CASP5: variants seen among roughly 807,000 people sequenced by gnomAD.
CASP5 encodes the protein caspase-5.
In CASP5, 42 loss-of-function variants were observed where a neutral mutation model predicts 45.2. The ratio of observed to expected loss-of-function variants is 0.93; its 90% CI spans 0.73 to 1.20. The LOEUF is 1.20. Ranked by LOEUF, CASP5 falls within the 50% of genes most tolerant of loss-of-function variation. The pLI, the probability that CASP5 is intolerant of heterozygous loss-of-function variation, is 0.00. For missense variants in CASP5, 512 were observed against 532.2 expected (o/e 0.96, Z 0.37); for synonymous variants, 209 against 186.2 (o/e 1.12, Z -1.00).
chr11:105,006,259 T>C (rs959575602), intron 3 of CASP5, among the ~76,000 whole-genome samples: 2 of 152,220 alleles, frequency 1.3e-5, no homozygotes, highest in African/African-American at 4.8e-5. Context: ...TGAGTAAGCA[T>C]TGGAAAATTC....
intron 3 of CASP5, among the ~76,000 whole-genome samples, chr11:105,004,182 C>G (rs1861891338): frequency 6.6e-6 from 1 of 152,118 alleles, no homozygotes; most frequent in Non-Finnish European, 1.5e-5. Flanking sequence ...AGTGACAACA[C>G]AGTACACAAT....
chr11:105,002,252 C>A (rs769228574), intron 4 of CASP5, 51 bp from the exon 5 acceptor site: 3 of 1,573,764 alleles, frequency 1.9e-6, no homozygotes, highest in Non-Finnish European at 2.6e-6. Context: ...CTCTTTTCAA[C>A]CCCCATATGC....
At chr11:105,018,221 A>G (rs533027883) in intron 1 of CASP5, among the ~76,000 whole-genome samples, 7 of 151,884 alleles carry the variant, frequency 4.6e-5, no homozygotes, top group African/African-American at 1.4e-4. Context: ...TGTAAAGACC[A>G]TCGAGACTAG....
chr11:104,999,664 A>G (rs75484327), intron 6 of CASP5, among the ~76,000 whole-genome samples: 3,878 of 152,312 alleles, frequency 0.025, 139 homozygotes, highest in African/African-American at 0.083. Flanking sequence ...GTAAATTAAT[A>G]GTGAATTTAT....
In CASP5 at chr11:105,007,105, G is replaced by C. The variant is rs1181069673; in HGVS notation, c.411C>G (p.Asp137Glu). Reference sequence around the variant, plus strand: ...TACGTTTTACACTGGTGATCTTTTGGTCCATATTGAGAAGTGTTTGGGTAA... The same window carrying C: ...TACGTTTTACACTGGTGATCTTTTGCTCCATATTGAGAAGTGTTTGGGTAA... ...QMFTQTLLNM[D>E]QKITSVKPLL... The change falls in exon 3 of 10, where the codon GAC (aspartate) becomes GAG (glutamate). Residue 137 changes from aspartate (D) to glutamate (E), a missense_variant. By Grantham distance (45) the Asp-to-Glu change is conservative. Coordinates refer to ENST00000260315, the MANE Select transcript of CASP5 (RefSeq NM_004347.5). The C allele has an allele frequency of 1.2e-6, 2 of 1,612,690 alleles. No individual in the cohort carries two copies. The highest frequency in any genetic ancestry group is 1.7e-6 in the Non-Finnish European group (2 of 1,179,468).
chr11:105,017,662 G>C (rs534062005), intron 1 of CASP5, among the ~76,000 whole-genome samples: 92 of 152,184 alleles, frequency 6.0e-4, no homozygotes, highest in Non-Finnish European at 1.0e-3. Context: ...TATGTGAAAA[G>C]ACCAAATCTA....
rs534831905 is a variant in CASP5, at chr11:105,019,646, A to T, written c.7+3484T>A. 4.1e-4 allele frequency among the ~76,000 whole-genome samples: 60 copies of T among 146,254 alleles called. 2 individuals carry two copies. Among genetic ancestry groups the T allele is most frequent in the African/African-American group, 1.4e-3 (55 of 40,624 alleles). Reference sequence around the variant, plus strand: ...CTGAATGGACCAATAACAGGATCTGAAATTGTGGCAATAATCAAAAGCTTA... The same window carrying T: ...CTGAATGGACCAATAACAGGATCTGTAATTGTGGCAATAATCAAAAGCTTA... On this transcript the variant is annotated intron_variant, in intron 1 of 9. Transcript: ENST00000260315.
Position 104,995,734 on chromosome 11 carries a change from A to T in CASP5, c.*4+6T>A, listed in dbSNP as rs540819. The T allele has an allele frequency of 0.41, 650,622 of 1,575,352 alleles. 141,110 individuals carry two copies. Among genetic ancestry groups the T allele is most frequent in the East Asian group, 0.6 (26,732 of 44,614 alleles). On this transcript the variant is annotated splice_donor_region_variant and intron_variant, in intron 9 of 9. Transcript: ENST00000260315. ...ATTTCACCCTCCAACAACTCTCAAT[A>T]CTTACATTTTCAATTGCCAGGAAAG...
chr11:104,999,091 A>G, intron 6 of CASP5, 63 bp from the exon 7 acceptor site: 1 of 1,437,796 alleles, frequency 7.0e-7, no homozygotes, highest in Non-Finnish European at 9.5e-7. Flanking sequence ...AGAAATGCAG[A>G]ACGTGTAGGT....
In CASP5 at chr11:105,019,789, C is replaced by A. The variant is rs573566514; in HGVS notation, c.7+3341G>T. On this transcript the variant is annotated intron_variant, in intron 1 of 9. Transcript: ENST00000260315. ...CCAATCAATAGAAAAAGAGGGAATC[C>A]TCCCTAACTCATTTTATGAGGCCAG... Among the ~76,000 whole-genome samples the A allele has an allele frequency of 1.4e-3, 204 of 144,932 alleles. 8 individuals carry two copies. Among genetic ancestry groups the A allele is most frequent in the African/African-American group, 4.9e-3 (198 of 40,020 alleles).
chr11:105,005,419 A>G lies in CASP5; in HGVS notation c.433+1664T>C, dbSNP rs923824368. Among the ~76,000 whole-genome samples, 3 of 151,580 alleles carry G rather than the reference A, an allele frequency of 2.0e-5. No homozygotes were observed. The East Asian group carries it at 5.8e-4, about 29-fold the overall frequency. On this transcript the variant is annotated intron_variant, in intron 3 of 9. Coordinates refer to ENST00000260315, the MANE Select transcript of CASP5 (RefSeq NM_004347.5). ...GTGTAAACAGTTAAATAACAAATGA[A>G]TAGCTAGGATTCTTCTTATCCTGCA...
At chr11:105,021,743 T>A (rs1285590069) in intron 1 of CASP5, among the ~76,000 whole-genome samples, 3 of 148,538 alleles carry the variant, frequency 2.0e-5, no homozygotes, top group Non-Finnish European at 4.5e-5. Flanking sequence ...ATTGTGGAAG[T>A]CAGTGTGGCG....
chr11:105,011,497 G>A (rs1019346710), intron 1 of CASP5, among the ~76,000 whole-genome samples: 8 of 151,830 alleles, frequency 5.3e-5, no homozygotes, highest in African/African-American at 1.9e-4. Context: ...AGGAGAGGAA[G>A]AAGTTAATGT....
chr11:105,016,855 G>A (rs1418244867), intron 1 of CASP5, among the ~76,000 whole-genome samples: 1 of 151,752 alleles, frequency 6.6e-6, no homozygotes, highest in African/African-American at 2.4e-5. Context: ...TGGGGGCAGG[G>A]CACAGACAAA....
intron 1 of CASP5, among the ~76,000 whole-genome samples, chr11:105,010,152 A>C (rs1384086284): frequency 1.4e-4 from 21 of 150,854 alleles, no homozygotes; most frequent in Admixed American, 1.4e-3. Context: ...TTGGCCTAGA[A>C]GCACCAGACT....
chr11:105,016,766 C>CA (rs1193399065), intron 1 of CASP5, among the ~76,000 whole-genome samples: 1 of 152,092 alleles, frequency 6.6e-6, no homozygotes, highest in African/African-American at 2.4e-5. Flanking sequence ...CTTAGGTAAA[C>CA]AAAGCAGCCA....
intron 1 of CASP5, among the ~76,000 whole-genome samples, 166 bp downstream of exon 1, chr11:105,022,962 TAC>T (rs937005248): frequency 2.0e-5 from 3 of 147,252 alleles, no homozygotes; most frequent in African/African-American, 7.3e-5. Context: ...TCAGTGTCTC[TAC>T]ACAGTCTCAG....
chr11:105,021,084 G>C (rs1402013126), intron 1 of CASP5, among the ~76,000 whole-genome samples: 1 of 151,976 alleles, frequency 6.6e-6, no homozygotes, highest in East Asian at 1.9e-4. Flanking sequence ...AATAAATGGT[G>C]CTGGGAAAAC....
chr11:105,001,148 C>T (rs1049311404), intron 5 of CASP5, among the ~76,000 whole-genome samples: 2 of 152,226 alleles, frequency 1.3e-5, no homozygotes, highest in African/African-American at 4.8e-5. Flanking sequence ...AACATTCTCT[C>T]TCATGTTTCC....
Sources: gnomAD v4.1 joint callset for allele counts (sites outside exome capture counted in the v4.1 genomes callset) on GRCh38, gnomAD v4.1.1 for gene constraint, MANE v1.5 for transcripts, NCBI Gene and HGNC (gene_info 2026-07-23, HGNC 2026-07-21) for gene names.